Variants in LRRC4C observed in about 807,000 individuals in gnomAD.
LRRC4C encodes leucine rich repeat containing 4C, also known as leucine-rich repeat-containing protein 4C.
In LRRC4C, 5 loss-of-function variants were observed where a neutral mutation model predicts 33.6. That is an observed-to-expected ratio of 0.15 (90% CI 0.08 to 0.31). The LOEUF (loss-of-function observed/expected upper bound fraction) is 0.31. Among genes scored for constraint, LRRC4C ranks in the 10% least tolerant of loss-of-function variants. The pLI, the probability that LRRC4C is intolerant of heterozygous loss-of-function variation, is 1.00. For synonymous variants in LRRC4C, 329 were observed against 302.0 expected, an observed-to-expected ratio of 1.09 and a Z score of -0.93; for missense variants, 560 against 796.7, an observed-to-expected ratio of 0.70 and a Z score of 3.58.
intron 3 of LRRC4C, among the ~76,000 whole-genome samples, chr11:40,603,999 T>C (rs1163995572): frequency 6.6e-6 from 1 of 152,184 alleles, no homozygotes; most frequent in African/African-American, 2.4e-5. Context: ...TGTATAGACG[T>C]TGGGTCATAA....
intron 4 of LRRC4C, among the ~76,000 whole-genome samples, chr11:40,268,020 G>A (rs1324608693): frequency 6.6e-6 from 1 of 152,162 alleles, no homozygotes; most frequent in African/African-American, 2.4e-5. Context: ...GTCAATGGGT[G>A]GAAGGAAAAA....
intron 3 of LRRC4C, among the ~76,000 whole-genome samples, chr11:40,584,111 C>A (rs1234670855): frequency 1.4e-5 from 2 of 146,860 alleles, no homozygotes; most frequent in Non-Finnish European, 3.0e-5. Context: ...CAGGTTTTCT[C>A]AACCTTGGTA....
At chr11:40,567,643 G>A (rs534915528) in intron 3 of LRRC4C, among the ~76,000 whole-genome samples, 1 of 152,234 alleles carries the variant, frequency 6.6e-6, no homozygotes, top group South Asian at 2.1e-4. Context: ...CTGTAATGAA[G>A]TTTGACATAC....
chr11:40,242,338 T>C (rs1304338319), intron 4 of LRRC4C, among the ~76,000 whole-genome samples: 2 of 152,200 alleles, frequency 1.3e-5, no homozygotes, highest in Non-Finnish European at 1.5e-5. Flanking sequence ...TCTTCATTCT[T>C]GTATGGGACA....
chr11:40,491,542 T>G (rs1412125806), intron 3 of LRRC4C, among the ~76,000 whole-genome samples: 1 of 152,128 alleles, frequency 6.6e-6, no homozygotes, highest in Non-Finnish European at 1.5e-5. Flanking sequence ...AAGTTTCTTG[T>G]GGTTGTAGGA....
At chr11:40,484,326 G>A (rs935599629) in intron 3 of LRRC4C, among the ~76,000 whole-genome samples, 1 of 151,856 alleles carries the variant, frequency 6.6e-6, no homozygotes, top group East Asian at 1.9e-4. Flanking sequence ...CCCATCAATA[G>A]GGAACATGAA....
chr11:41,171,460 A>T (rs1165217709), intron 1 of LRRC4C, among the ~76,000 whole-genome samples: 1 of 152,068 alleles, frequency 6.6e-6, no homozygotes, highest in Non-Finnish European at 1.5e-5. Context: ...AGGGACATGG[A>T]TGAAGCTGGA....
intron 2 of LRRC4C, among the ~76,000 whole-genome samples, chr11:40,747,904 A>C: frequency 6.6e-6 from 1 of 152,278 alleles, no homozygotes; most frequent in East Asian, 1.9e-4. Flanking sequence ...TGTGACATAC[A>C]AAACATCATA....
intron 2 of LRRC4C, among the ~76,000 whole-genome samples, chr11:40,770,392 A>G (rs1487828027): frequency 6.6e-6 from 1 of 152,170 alleles, no homozygotes; most frequent in African/African-American, 2.4e-5. Context: ...ACCACCCACA[A>G]GGTCTCTTCC....
chr11:40,842,067 C>T (rs975727993), intron 2 of LRRC4C, among the ~76,000 whole-genome samples: 2 of 152,184 alleles, frequency 1.3e-5, no homozygotes, highest in Non-Finnish European at 1.5e-5. Context: ...TTATAAATCA[C>T]GACAATTTCC....
chr11:40,813,646 A>G (rs1270173353), intron 2 of LRRC4C, among the ~76,000 whole-genome samples: 1 of 152,122 alleles, frequency 6.6e-6, no homozygotes, highest in African/African-American at 2.4e-5. Flanking sequence ...TTATTTCAGC[A>G]TTAACTTAAG....
At position 41,184,643 on chromosome 11, in the gene LRRC4C, T is replaced by A. The variant is rs1406198647; in HGVS notation, c.-495-250920A>T. On this transcript the variant is annotated intron_variant, in intron 1 of 6. Transcript: ENST00000528697. ...TTTCATACTTTCCCACATTTTCCTG[T>A]CTTCCTCTAAACCCTCCAAACTGTT... Among the ~76,000 whole-genome samples, 12 of 152,228 alleles carry A rather than the reference T, an allele frequency of 7.9e-5. No homozygotes were observed. In the East Asian group the frequency reaches 9.7e-4, roughly 12 times the overall value.
At chr11:40,900,438 A>ATAATTGTGC (rs1021460234) in intron 2 of LRRC4C, among the ~76,000 whole-genome samples, 15 of 152,110 alleles carry the variant, frequency 9.9e-5, no homozygotes, top group Non-Finnish European at 1.6e-4. Flanking sequence ...CCACTTGGCA[A>ATAATTGTGC]TAATTGTGCT....
At chr11:41,442,704 C>T (rs912901092) in intron 1 of LRRC4C, among the ~76,000 whole-genome samples, 1 of 151,870 alleles carries the variant, frequency 6.6e-6, no homozygotes, top group Non-Finnish European at 1.5e-5. Context: ...CTCCTGACCT[C>T]GTGATCCGCC....
intron 2 of LRRC4C, among the ~76,000 whole-genome samples, chr11:40,849,728 T>C (rs1330392681): frequency 6.6e-6 from 1 of 152,082 alleles, no homozygotes; most frequent in African/African-American, 2.4e-5. Context: ...TCCTTAATTG[T>C]GTTTTCCAAC....
intron 3 of LRRC4C, among the ~76,000 whole-genome samples, chr11:40,368,097 T>C (rs1314992832): frequency 6.6e-6 from 1 of 152,154 alleles, no homozygotes; most frequent in African/African-American, 2.4e-5. Flanking sequence ...TAAAGGTGAC[T>C]CAAACATTTG....
At chr11:41,194,230 G>A (rs1946086152) in intron 1 of LRRC4C, among the ~76,000 whole-genome samples, 1 of 152,094 alleles carries the variant, frequency 6.6e-6, no homozygotes, top group African/African-American at 2.4e-5. Context: ...AAGGCATTCA[G>A]TCAACAGTAG....
intron 5 of LRRC4C, among the ~76,000 whole-genome samples, chr11:40,181,080 T>G (rs2135519113): frequency 6.6e-6 from 1 of 152,302 alleles, no homozygotes; most frequent in South Asian, 2.1e-4. Flanking sequence ...GTCGTAATGG[T>G]CAGCCTGCAA....
intron 5 of LRRC4C, among the ~76,000 whole-genome samples, chr11:40,224,178 G>A (rs963941649): frequency 6.6e-6 from 1 of 152,086 alleles, no homozygotes; most frequent in Non-Finnish European, 1.5e-5. Flanking sequence ...AAATCCAATA[G>A]CTTTTTATTC....
Sources: allele counts gnomAD v4.1 joint callset (sites outside exome capture counted in the v4.1 genomes callset), GRCh38; gene constraint gnomAD v4.1.1; transcripts MANE v1.5; gene names NCBI Gene and HGNC (gene_info 2026-07-23, HGNC 2026-07-21).